The following PTGR1 variants were observed in gnomAD, a reference collection of about 807,000 sequenced individuals.
PTGR1 encodes the protein prostaglandin reductase 1.
A neutral mutation model predicts 37.7 loss-of-function variants in PTGR1; 23 were observed. The observed-to-expected ratio is 0.61, with a 90% CI of 0.44 to 0.86. The LOEUF is 0.86. PTGR1 is among the 40% of genes least tolerant of loss of function. The pLI is 0.00. For synonymous variants in PTGR1, 134 were observed against 140.0 expected (o/e 0.96, Z 0.30); for missense variants, 351 against 394.3 (o/e 0.89, Z 0.93).
At position 111,582,990 on chromosome 9, in the gene PTGR1, C is replaced by A. The variant is rs188470880; in HGVS notation, c.495+482G>T. Among the ~76,000 whole-genome samples, 53 of 152,382 alleles carry A rather than the reference C, an allele frequency of 3.5e-4. No homozygotes were observed. The East Asian group carries it at 8.9e-3, about 25-fold the overall frequency. ...GAGCAGACATCTGCTTAAATCAGAGCCAATGTTTCCTTGTCTTAGGTACCT... is the reference window on the plus strand; with the variant it reads ...GAGCAGACATCTGCTTAAATCAGAGACAATGTTTCCTTGTCTTAGGTACCT... On this transcript the variant is annotated intron_variant, in intron 6 of 9. Transcript: ENST00000407693.
intron 9 of PTGR1, among the ~76,000 whole-genome samples, chr9:111,567,336 C>A (rs140330169): frequency 6.6e-6 from 1 of 152,002 alleles, no homozygotes; most frequent in Non-Finnish European, 1.5e-5. Context: ...TATAGGTGCA[C>A]GCCACCATGC....
At chr9:111,588,861 C>T (rs13297520) in intron 4 of PTGR1, among the ~76,000 whole-genome samples, 23,107 of 152,076 alleles carry the variant, frequency 0.15, 2,207 homozygotes, top group Non-Finnish European at 0.23. Context: ...GGGTTTACCA[C>T]GTTGTCCAGG....
intron 6 of PTGR1, among the ~76,000 whole-genome samples, chr9:111,581,226 A>G (rs1298362883): frequency 1.3e-5 from 2 of 152,248 alleles, no homozygotes; most frequent in Non-Finnish European, 2.9e-5. Context: ...TCAGAGGAAA[A>G]AGTACAAAAG....
chr9:111,580,807 A>G (rs978318657), intron 6 of PTGR1, among the ~76,000 whole-genome samples: 2 of 152,060 alleles, frequency 1.3e-5, no homozygotes, highest in African/African-American at 4.8e-5. Context: ...CGATGCATCA[A>G]AATTTTCATT....
At chr9:111,594,362 G>C in intron 2 of PTGR1, 95 bp from the exon 3 acceptor site, 1 of 1,149,006 alleles carries the variant, frequency 8.7e-7, no homozygotes, top group Non-Finnish European at 1.3e-6. Flanking sequence ...GTGAGACAGG[G>C]ACAAGGGTTG....
Position 111,593,935 on chromosome 9 carries a change from CT to C in PTGR1, c.152+286del, listed in dbSNP as rs765787072. Among the ~76,000 whole-genome samples the C allele has an allele frequency of 7.2e-3, 977 of 134,886 alleles. 5 individuals are homozygous for C. The highest frequency in any genetic ancestry group is 0.016 in the African/African-American group (585 of 36,668). 88.5% of individuals were successfully genotyped at this position (134,886 alleles called of 152,430 possible). A position where few individuals can be genotyped will look rare whatever the true frequency, so the allele number is the denominator to read the frequency against. ...TTCTTTTAAGGTTTTTTTTTTCCTT[CT>C]TTTTTTTTTTTTTTCTGGAAGTAAT... On this transcript the variant is annotated intron_variant, in intron 3 of 9. Transcript: ENST00000407693.
At chr9:111,575,518 A>G (rs981216271) in intron 7 of PTGR1, 1 of 152,240 alleles carries the variant, frequency 6.6e-6, no homozygotes, top group Admixed American at 6.5e-5. Context: ...CTTAATACAA[A>G]GCTAAATTAA....
At chr9:111,565,124 CA>C (rs879478393) in intron 9 of PTGR1, among the ~76,000 whole-genome samples, 14 of 146,740 alleles carry the variant, frequency 9.5e-5, no homozygotes, top group African/African-American at 1.2e-4. Flanking sequence ...AACTCCATCT[CA>C]AAAAAAAAAG....
intron 4 of PTGR1, among the ~76,000 whole-genome samples, chr9:111,590,281 A>G (rs1474284096): frequency 6.6e-6 from 1 of 152,252 alleles, no homozygotes; most frequent in Non-Finnish European, 1.5e-5. Flanking sequence ...AAGTATCATT[A>G]TATTTATCTC....
chr9:111,581,499 A>G (rs1364740856), intron 6 of PTGR1, among the ~76,000 whole-genome samples: 1 of 152,202 alleles, frequency 6.6e-6, no homozygotes, highest in African/African-American at 2.4e-5. Flanking sequence ...GCTTATAAGC[A>G]CCTCAAAGAA....
At chr9:111,598,505 CT>C (rs762132500) in intron 1 of PTGR1, among the ~76,000 whole-genome samples, 4 of 151,994 alleles carry the variant, frequency 2.6e-5, no homozygotes, top group Non-Finnish European at 4.4e-5. Context: ...AAAATTAAGA[CT>C]TTTTTTGTGA....
chr9:111,557,129 G>A (rs1354243068), intron 9 of PTGR1, among the ~76,000 whole-genome samples: 1 of 152,152 alleles, frequency 6.6e-6, no homozygotes, highest in African/African-American at 2.4e-5. Context: ...CATTTCCGCA[G>A]CCTTCTTGAA....
chr9:111,556,551 C>T (rs1828128801), intron 9 of PTGR1, among the ~76,000 whole-genome samples: 1 of 152,240 alleles, frequency 6.6e-6, no homozygotes, highest in Non-Finnish European at 1.5e-5. Context: ...GGCAGAGACT[C>T]CCAAACCTCA....
At chr9:111,578,733 G>A in intron 7 of PTGR1, 63 bp downstream of exon 7, 3 of 1,435,096 alleles carry the variant, frequency 2.1e-6, no homozygotes, top group South Asian at 2.8e-5. Flanking sequence ...CCAGGGGTAG[G>A]AGACTCCTGC....
Position 111,583,497 on chromosome 9 carries a change from A to C in PTGR1, c.470T>G (p.Val157Gly). Residue 157 changes from valine to glycine, a missense_variant, in exon 6 of 10, where the codon GTC becomes GGC. Physicochemically the swap from Val to Gly is moderately radical, Grantham distance 109. Coordinates refer to ENST00000407693, the MANE Select transcript of PTGR1 (RefSeq NM_001146108.2). ...VNAAAGAVGS[V>G]VGQIAKLKGC... The stretch of plus-strand genomic sequence containing the variant: ...CTTGAGCTTTGCAATCTGCCCCACG[A>C]CTGAGCCCACAGCTCCAGCTGCTGC... 6.2e-7 allele frequency: 1 copy of C among 1,613,534 alleles called. No homozygotes were observed. Among genetic ancestry groups the C allele is most frequent in the Non-Finnish European group, 8.5e-7 (1 of 1,179,442 alleles).
intron 9 of PTGR1, among the ~76,000 whole-genome samples, chr9:111,567,266 C>T (rs917966606): frequency 1.3e-5 from 2 of 152,164 alleles, no homozygotes; most frequent in Non-Finnish European, 2.9e-5. Flanking sequence ...TGACTCACTG[C>T]AACCTCCGCC....
At chr9:111,579,570 T>A (rs1177998609) in intron 6 of PTGR1, among the ~76,000 whole-genome samples, 1 of 152,046 alleles carries the variant, frequency 6.6e-6, no homozygotes, top group Non-Finnish European at 1.5e-5. Context: ...TTATATTTTT[T>A]AAATTTTCAC....
intron 2 of PTGR1, among the ~76,000 whole-genome samples, chr9:111,596,088 A>G (rs1284063472): frequency 2.0e-5 from 3 of 152,210 alleles, no homozygotes; most frequent in African/African-American, 7.2e-5. Flanking sequence ...TCAGTTATCA[A>G]TGAAAGCAGG....
intron 6 of PTGR1, among the ~76,000 whole-genome samples, chr9:111,579,874 T>C (rs1305756240): frequency 6.6e-6 from 1 of 152,232 alleles, no homozygotes; most frequent in Non-Finnish European, 1.5e-5. Flanking sequence ...TAGTGGTTCA[T>C]AGAAACTAGC....
Sources: allele counts gnomAD v4.1 joint callset (sites outside exome capture counted in the v4.1 genomes callset), GRCh38; gene constraint gnomAD v4.1.1; transcripts MANE v1.5; gene names NCBI Gene and HGNC (gene_info 2026-07-23, HGNC 2026-07-21).